MAPKBP1: variants seen among roughly 807,000 people sequenced by gnomAD.
MAPKBP1 encodes the protein mitogen-activated protein kinase binding protein 1.
MAPKBP1 carries 71 observed loss-of-function variants against 170.5 expected under a neutral mutation model. The observed-to-expected ratio is 0.42, with a 90% CI of 0.34 to 0.51. The LOEUF is 0.51. MAPKBP1 is among the 20% of genes least tolerant of loss of function. MAPKBP1 has a pLI of 0.06. For synonymous variants in MAPKBP1, 719 were observed against 757.9 expected, an observed-to-expected ratio of 0.95 and a Z score of 0.84; for missense variants, 1,598 against 1,933.0, an observed-to-expected ratio of 0.83 and a Z score of 3.25.
At chr15:41,819,549 G>C (rs60875657) in intron 21 of MAPKBP1, 46 bp from the exon 22 acceptor site, 2 of 1,448,748 alleles carry the variant, frequency 1.4e-6, no homozygotes, top group Admixed American at 1.9e-5. Flanking sequence ...TTGGGTGGCG[G>C]GGGGGGGGCA....
chr15:41,819,554 G>GGTGGGA, intron 21 of MAPKBP1, 41 bp from the exon 22 acceptor site: 1 of 1,495,298 alleles, frequency 6.7e-7, no homozygotes, highest in Non-Finnish European at 9.2e-7. Context: ...TGGCGGGGGG[G>GGTGGGA]GGGCAGGAGA....
Position 41,813,739 on chromosome 15 carries a change from C to G in MAPKBP1, c.938C>G (p.Pro313Arg). Residue 313 changes from proline to arginine, a missense_variant, in exon 9 of 31, where the codon CCC (proline) becomes CGC (arginine). By Grantham distance (103) the Pro-to-Arg change is moderately radical. Around this residue, in one of 6 missense-constraint regions of MAPKBP1, gnomAD observed 430 missense variants for 617.2 expected, o/e 0.70. Coordinates refer to ENST00000457542, the MANE Select transcript of MAPKBP1 (RefSeq NM_014994.3). ...NLHFLSTLPR[P>R]HALGTDIASV... ...CACTTCCTTAGCACCTTGCCCCGAC[C>G]CCATGCTCTGGGGACAGACATTGCT... 6.2e-7 allele frequency: 1 copy of G among 1,611,832 alleles called. No individual in the cohort carries two copies. Among genetic ancestry groups the G allele is most frequent in the Non-Finnish European group, 8.5e-7 (1 of 1,179,070 alleles).
intron 27 of MAPKBP1, 44 bp from the exon 28 acceptor site, chr15:41,822,895 C>G (rs1567156535): frequency 1.3e-6 from 2 of 1,564,990 alleles, no homozygotes; most frequent in Non-Finnish European, 1.7e-6. Context: ...CAGGGAGGAG[C>G]ATTGAGCCTT....
At chr15:41,795,496 C>A (rs754637594) in intron 2 of MAPKBP1, among the ~76,000 whole-genome samples, 21 of 151,930 alleles carry the variant, frequency 1.4e-4, no homozygotes, top group Non-Finnish European at 2.8e-4. Flanking sequence ...CCTTGTAAGC[C>A]GGGGTAGAGT....
At chr15:41,795,410 G>A (rs537773816) in intron 2 of MAPKBP1, among the ~76,000 whole-genome samples, 9 of 151,996 alleles carry the variant, frequency 5.9e-5, no homozygotes, top group African/African-American at 2.2e-4. Context: ...TGGCTGGGGT[G>A]GAGTGAGTGA....
In MAPKBP1 at chr15:41,821,451, A is replaced by C. The variant is rs528825401; in HGVS notation, c.2719-133A>C. The stretch of plus-strand genomic sequence containing the variant: ...TCAGCTTCCCCTTGAATGAGTGCAC[A>C]CCGCATCCTTACTCACCTCCACCTC... On this transcript the variant is annotated intron_variant, in intron 23 of 30. Coordinates refer to ENST00000457542, the MANE Select transcript of MAPKBP1 (RefSeq NM_014994.3). 7 of 806,244 alleles carry C rather than the reference A, an allele frequency of 8.7e-6. No individual in the cohort carries two copies. The South Asian group carries it at 1.1e-4, about 13-fold the overall frequency. The allele number at this position is 806,244 out of a possible 1,614,324, so 49.9% of individuals were successfully genotyped here. A position where few individuals can be genotyped will look rare whatever the true frequency, so the allele number is the denominator to read the frequency against.
Position 41,818,731 on chromosome 15 carries a change from C to A in MAPKBP1, c.2157-92C>A. On this transcript the variant is annotated intron_variant, in intron 19 of 30. Coordinates refer to ENST00000457542, the MANE Select transcript of MAPKBP1 (RefSeq NM_014994.3). This position sits in a 1 kb window ranked among gnomAD's most constrained non-coding sequence, Gnocchi z 5.2. ...GCTTGACCTGAAGTGGAGGGTGGCT[C>A]TGGTCTCCTTGCCATCCATGGATAA... is the stretch of plus-strand genomic sequence containing the variant. The A allele has an allele frequency of 6.4e-7, 1 of 1,562,606 alleles. No homozygotes were observed. Among genetic ancestry groups the A allele is most frequent in the East Asian group, 2.3e-5 (1 of 44,114 alleles).
chr15:41,786,777 A>AAAAAAAAAATATATATATATATATAT, intron 2 of MAPKBP1, among the ~76,000 whole-genome samples: 1 of 32,466 alleles, frequency 3.1e-5, no homozygotes, highest in Admixed American at 3.9e-4. Flanking sequence ...AAAAAAAAAA[A>AAAAAAAAAATATATATATATATATAT]ATATATATAT....
At chr15:41,795,629 CAG>C (rs1219431083) in intron 2 of MAPKBP1, among the ~76,000 whole-genome samples, 3 of 152,056 alleles carry the variant, frequency 2.0e-5, no homozygotes, top group Non-Finnish European at 2.9e-5. Context: ...ATTTTTGAGA[CAG>C]AGTCTCGCTC....
rs755983161 is a variant in MAPKBP1, at chr15:41,819,273, T to C, written c.2319T>C (p.Pro773=). The C allele has an allele frequency of 4.7e-5, 76 of 1,614,042 alleles. No homozygotes were observed. The Admixed American group carries it at 1.3e-3, about 27-fold the overall frequency. Residue 773 remains proline (P), a synonymous_variant, in exon 21 of 31, where the codon CCT becomes CCC. Transcript: ENST00000457542. ...ACCAGGCCCCATCAATGCTGTCTCCTGGACCGGCTCTCTCATCAGACAGTG... is the reference window on the plus strand; with the variant it reads ...ACCAGGCCCCATCAATGCTGTCTCCCGGACCGGCTCTCTCATCAGACAGTG... ...NRHQAPSMLS[P]GPALSSDSDK...
At chr15:41,821,221 T>A (rs563022811) in intron 23 of MAPKBP1, 153 bp downstream of exon 23, 1 of 746,934 alleles carries the variant, frequency 1.3e-6, no homozygotes, top group Non-Finnish European at 2.2e-6. Context: ...TGGGGGTGGC[T>A]GGGCTGTATG....
Position 41,812,132 on chromosome 15 carries a change from G to A in MAPKBP1, c.498+5G>A. 1 of 1,614,088 alleles carries A rather than the reference G, an allele frequency of 6.2e-7. No individual in the cohort carries two copies. The highest frequency in any genetic ancestry group is 8.5e-7 in the Non-Finnish European group (1 of 1,179,992). ...GTCAACGTGTGGGCCTGGAAGGTGA[G>A]TGGCTGGGTGGGGTGGCCTGGCAGC... On this transcript the variant is annotated splice_donor_5th_base_variant and intron_variant, in intron 6 of 30. Coordinates refer to ENST00000457542, the MANE Select transcript of MAPKBP1 (RefSeq NM_014994.3).
At position 41,811,481 on chromosome 15, in the gene MAPKBP1, A is replaced by T. The variant is rs772360279; in HGVS notation, c.327+246A>T. 8.7e-5 allele frequency: 60 copies of T among 691,194 alleles called. 1 individual carries two copies. The African/African-American group carries it at 1.0e-3, about 12-fold the overall frequency. The allele number at this position is 691,194 out of a possible 1,614,324, so 42.8% of individuals were successfully genotyped here. On this transcript the variant is annotated intron_variant, in intron 5 of 30. Coordinates refer to ENST00000457542, the MANE Select transcript of MAPKBP1 (RefSeq NM_014994.3). Reference sequence around the variant, plus strand: ...TCTGATTCTGTAGGTCTGGGATGGGAGTCTGAAATGTGCATTTGTAACAAG... The same window carrying T: ...TCTGATTCTGTAGGTCTGGGATGGGTGTCTGAAATGTGCATTTGTAACAAG...
intron 2 of MAPKBP1, among the ~76,000 whole-genome samples, chr15:41,781,765 T>A (rs1292770603): frequency 6.6e-6 from 1 of 152,144 alleles, no homozygotes; most frequent in Non-Finnish European, 1.5e-5. Flanking sequence ...TTGTCAAATG[T>A]TCTTTTGGAG....
At chr15:41,806,560 G>T (rs2064698781) in intron 3 of MAPKBP1, among the ~76,000 whole-genome samples, 1 of 152,094 alleles carries the variant, frequency 6.6e-6, no homozygotes, top group South Asian at 2.1e-4. Flanking sequence ...TGAAGGCTTG[G>T]CCCTTCCTGG....
chr15:41,811,675 A>G lies in MAPKBP1; in HGVS notation c.328-282A>G, dbSNP rs532978566. 148 of 647,474 alleles carry G rather than the reference A, an allele frequency of 2.3e-4. 2 individuals carry two copies. In the East Asian group the frequency reaches 4.5e-3, roughly 20 times the overall value. The allele number at this position is 647,474 out of a possible 1,614,324, so 40.1% of individuals were successfully genotyped here. The stretch of plus-strand genomic sequence containing the variant: ...TAGACCTGAGTGGTAGTGGCTCTCA[A>G]TGCCGGCTGCCCATCAGAACCATTC... On this transcript the variant is annotated intron_variant, in intron 5 of 30. Coordinates refer to ENST00000457542, the MANE Select transcript of MAPKBP1 (RefSeq NM_014994.3).
intron 2 of MAPKBP1, among the ~76,000 whole-genome samples, chr15:41,793,927 CT>C (rs1371287042): frequency 6.6e-6 from 1 of 152,082 alleles, no homozygotes; most frequent in Non-Finnish European, 1.5e-5. Flanking sequence ...ACATGAGAAA[CT>C]TAAATACAAA....
intron 1 of MAPKBP1, chr15:41,774,966 G>A (rs1165440194): frequency 2.1e-6 from 1 of 480,092 alleles, no homozygotes. Flanking sequence ...TCTGGCGGGC[G>A]TGGGCCTGGC....
chr15:41,824,334 C>A, intron 29 of MAPKBP1, 150 bp from the exon 30 acceptor site: 1 of 802,466 alleles, frequency 1.2e-6, no homozygotes, highest in Non-Finnish European at 1.9e-6. Context: ...GTTGGGGAGG[C>A]CGTTGGAAGA....
Sources: gnomAD v4.1 joint callset for allele counts (sites outside exome capture counted in the v4.1 genomes callset) on GRCh38, gnomAD v4.1.1 for gene constraint, gnomAD v4.1.1 regional missense constraint, Gnocchi (gnomAD v3.1) non-coding constraint, MANE v1.5 for transcripts, NCBI Gene and HGNC (gene_info 2026-07-23, HGNC 2026-07-21) for gene names.